The following PATJ variants were observed in gnomAD, a reference collection of about 807,000 sequenced individuals.
PATJ encodes the protein PATJ crumbs cell polarity complex component.
A neutral mutation model predicts 224.9 loss-of-function variants in PATJ; 190 were observed. That is an observed-to-expected ratio of 0.84 (90% CI 0.75 to 0.95). PATJ has a LOEUF of 0.95. Among genes scored for constraint, PATJ ranks in the 40% least tolerant of loss-of-function variants. PATJ has a pLI of 0.00. For synonymous variants in PATJ, 769 were observed against 820.3 expected (o/e 0.94, Z 1.07); for missense variants, 2,121 against 2,270.3 (o/e 0.93, Z 1.34).
chr1:61,749,521 T>C (rs1645206730), intron 1 of PATJ, among the ~76,000 whole-genome samples: 1 of 152,190 alleles, frequency 6.6e-6, no homozygotes, highest in African/African-American at 2.4e-5. Flanking sequence ...CTAATCCTGT[T>C]TTTGTATTAG....
intron 26 of PATJ, among the ~76,000 whole-genome samples, chr1:61,920,320 T>C (rs929846237): frequency 6.6e-6 from 1 of 152,134 alleles, no homozygotes; most frequent in Admixed American, 6.6e-5. Flanking sequence ...GATAATTGAA[T>C]CATGGGGGCG....
rs576762530 is a variant in PATJ at position 61,979,976 on chromosome 1, G to T, written c.3671-10192G>T. ...AATGAAGGTCTTATCACCTGCTTCA[G>T]GGGAAGATCAGAGAAATCCTTTTTA... On this transcript the variant is annotated intron_variant, in intron 27 of 43. Transcript: ENST00000642238. 2.6e-4 allele frequency among the ~76,000 whole-genome samples: 39 copies of T among 152,138 alleles called. No homozygotes were observed. The South Asian group carries it at 7.7e-3, about 30-fold the overall frequency.
intron 27 of PATJ, among the ~76,000 whole-genome samples, chr1:61,981,475 T>C (rs935405132): frequency 7.9e-5 from 12 of 151,930 alleles, no homozygotes; most frequent in African/African-American, 2.9e-4. Flanking sequence ...AACAAAAAGA[T>C]TAACAAGAGA....
chr1:62,038,214 T>A (rs1296974678), intron 30 of PATJ, among the ~76,000 whole-genome samples, 165 bp downstream of exon 30: 1 of 152,228 alleles, frequency 6.6e-6, no homozygotes, highest in Admixed American at 6.5e-5. Flanking sequence ...AGTAACTTTT[T>A]AAGTAAATAT....
chr1:62,163,027 G>T lies in PATJ; in HGVS notation c.*1973G>T. 4.1e-6 allele frequency: 1 copy of T among 244,040 alleles called. No homozygotes were observed. Among genetic ancestry groups the T allele is most frequent in the Non-Finnish European group, 8.5e-6 (1 of 117,152 alleles). The allele number at this position is 244,040 out of a possible 1,614,324, so 15.1% of individuals were successfully genotyped here. A position where few individuals can be genotyped will look rare whatever the true frequency, so the allele number is the denominator to read the frequency against. On this transcript the variant is annotated 3_prime_UTR_variant, in exon 44 of 44. Coordinates refer to ENST00000642238, the MANE Select transcript of PATJ (RefSeq NM_001350145.3). ...CAGCATTATTTAACTACAACACAATGCTGCAAATATTTCACAGTAATTATC... is the reference window on the plus strand; with the variant it reads ...CAGCATTATTTAACTACAACACAATTCTGCAAATATTTCACAGTAATTATC...
intron 33 of PATJ, among the ~76,000 whole-genome samples, chr1:62,089,794 G>A (rs1660491480): frequency 6.6e-6 from 1 of 152,128 alleles, no homozygotes; most frequent in Non-Finnish European, 1.5e-5. Flanking sequence ...AAACAAAGAT[G>A]AGAGCATATC....
At chr1:62,113,881 T>A (rs1664143610) in intron 34 of PATJ, among the ~76,000 whole-genome samples, 172 bp from the exon 35 acceptor site, 2 of 152,220 alleles carry the variant, frequency 1.3e-5, no homozygotes. Flanking sequence ...TTAAGGGCCA[T>A]CTCCTTTATA....
chr1:61,779,190 G>C (rs1647106704), intron 7 of PATJ, among the ~76,000 whole-genome samples: 1 of 152,176 alleles, frequency 6.6e-6, no homozygotes, highest in Admixed American at 6.5e-5. Flanking sequence ...GGACATGCGT[G>C]TGATTACTTT....
intron 20 of PATJ, among the ~76,000 whole-genome samples, chr1:61,871,437 G>GTA (rs1403222381): frequency 2.2e-4 from 24 of 107,380 alleles, no homozygotes; most frequent in African/African-American, 7.8e-4. Context: ...ATATATATGT[G>GTA]TATATACACA....
At chr1:61,765,999 T>G (rs1425415031) in intron 3 of PATJ, among the ~76,000 whole-genome samples, 1 of 152,208 alleles carries the variant, frequency 6.6e-6, no homozygotes, top group Non-Finnish European at 1.5e-5. Context: ...TCTGTATATG[T>G]GAAGTGTAAA....
chr1:62,001,041 T>G (rs1433900753), intron 28 of PATJ, among the ~76,000 whole-genome samples: 3 of 152,096 alleles, frequency 2.0e-5, no homozygotes, highest in Non-Finnish European at 4.4e-5. Flanking sequence ...GGGTTGTTTG[T>G]TTTTTTCTTG....
intron 9 of PATJ, among the ~76,000 whole-genome samples, chr1:61,792,963 C>T (rs72929633): frequency 0.019 from 2,818 of 152,240 alleles, 73 homozygotes; most frequent in African/African-American, 0.065. Context: ...TTATTCTATT[C>T]ATTGGACTTT....
At chr1:61,890,610 C>A (rs1036317568) in intron 22 of PATJ, among the ~76,000 whole-genome samples, 1 of 152,098 alleles carries the variant, frequency 6.6e-6, no homozygotes, top group African/African-American at 2.4e-5. Context: ...AATCCTCCCA[C>A]CTCAGCCTCC....
chr1:61,765,418 T>C (rs1268884561), intron 3 of PATJ, among the ~76,000 whole-genome samples: 1 of 151,442 alleles, frequency 6.6e-6, no homozygotes, highest in Admixed American at 6.6e-5. Flanking sequence ...AGAGTCTTGC[T>C]CTGTCATCCA....
intron 28 of PATJ, 26 bp downstream of exon 28, chr1:61,990,390 TC>T (rs1644995393): frequency 6.4e-7 from 1 of 1,571,100 alleles, no homozygotes; most frequent in South Asian, 1.2e-5. Context: ...TTTTAACTTA[TC>T]TTTTGGTGAA....
intron 28 of PATJ, among the ~76,000 whole-genome samples, chr1:61,991,002 T>A (rs938676644): frequency 6.6e-6 from 1 of 152,216 alleles, no homozygotes; most frequent in African/African-American, 2.4e-5. Context: ...GAGCTTATCT[T>A]AGTTTGATAC....
At chr1:61,796,324 C>G (rs1196634835) in intron 10 of PATJ, among the ~76,000 whole-genome samples, 2 of 152,200 alleles carry the variant, frequency 1.3e-5, no homozygotes, top group Admixed American at 1.3e-4. Context: ...TGTTCTTGCT[C>G]ACACTTTTTC....
intron 32 of PATJ, among the ~76,000 whole-genome samples, chr1:62,083,642 A>C (rs1659570028): frequency 6.6e-6 from 1 of 152,186 alleles, no homozygotes; most frequent in African/African-American, 2.4e-5. Flanking sequence ...TGAACCCCGC[A>C]AGTAATTTTT....
intron 39 of PATJ, among the ~76,000 whole-genome samples, chr1:62,124,292 T>C (rs140288099): frequency 0.014 from 2,060 of 152,178 alleles, 40 homozygotes; most frequent in African/African-American, 0.047. Flanking sequence ...CATGTTGGCC[T>C]GGCTGGTCTC....
Sources: allele counts gnomAD v4.1 joint callset (sites outside exome capture counted in the v4.1 genomes callset), GRCh38; gene constraint gnomAD v4.1.1; transcripts MANE v1.5; gene names NCBI Gene and HGNC (gene_info 2026-07-23, HGNC 2026-07-21).